The following TPD52 variants were observed in gnomAD, a reference collection of about 807,000 sequenced individuals.
TPD52 encodes prostate and colon associated protein.
A neutral mutation model predicts 31.3 loss-of-function variants in TPD52; 17 were observed. The observed-to-expected ratio is 0.54, with a 90% confidence interval of 0.37 to 0.82. TPD52 has a LOEUF of 0.82. Among genes scored for constraint, TPD52 ranks in the 40% least tolerant of loss-of-function variants. The probability of loss-of-function intolerance (pLI) is 0.00; values close to 1 mark genes in which losing one functional copy is unlikely to be tolerated. For missense variants in TPD52, 212 were observed against 240.1 expected (o/e 0.88, Z 0.77); for synonymous variants, 83 against 89.6 (o/e 0.93, Z 0.42).
At chr8:80,154,744 CACACACACAA>C (rs1290634057) in intron 1 of TPD52, among the ~76,000 whole-genome samples, 14 of 60,680 alleles carry the variant, frequency 2.3e-4, no homozygotes, top group Admixed American at 1.2e-3. Context: ...CACACACACA[CACACACACAA>C]AACACCTACA....
chr8:80,079,667 C>A (rs1815007573), intron 1 of TPD52, among the ~76,000 whole-genome samples: 1 of 152,132 alleles, frequency 6.6e-6, no homozygotes, highest in Non-Finnish European at 1.5e-5. Flanking sequence ...AGGGACCCAG[C>A]CGGGAGGATG....
At chr8:80,071,825 T>A (rs1406626142) in intron 1 of TPD52, among the ~76,000 whole-genome samples, 1 of 152,066 alleles carries the variant, frequency 6.6e-6, no homozygotes, top group East Asian at 1.9e-4. Flanking sequence ...AGAGTGCATA[T>A]CTGACGACGC....
At chr8:80,104,963 G>C (rs781499606) in intron 1 of TPD52, among the ~76,000 whole-genome samples, 18 of 151,954 alleles carry the variant, frequency 1.2e-4, no homozygotes, top group Non-Finnish European at 2.4e-4. Context: ...GGGTGGCTGA[G>C]GTAGGAGAAT....
At chr8:80,118,550 T>C (rs1361414975) in intron 1 of TPD52, among the ~76,000 whole-genome samples, 1 of 152,238 alleles carries the variant, frequency 6.6e-6, no homozygotes. Flanking sequence ...GCATTGTATC[T>C]AGAAAATAAA....
chr8:80,097,278 A>C (rs1806406746), intron 1 of TPD52, among the ~76,000 whole-genome samples: 1 of 152,224 alleles, frequency 6.6e-6, no homozygotes, highest in Non-Finnish European at 1.5e-5. Flanking sequence ...TAAGGAAAGA[A>C]GCCATCTCCA....
intron 1 of TPD52, among the ~76,000 whole-genome samples, chr8:80,139,643 T>G (rs12156127): frequency 6.8e-5 from 10 of 147,356 alleles, no homozygotes; most frequent in East Asian, 2.0e-4. Context: ...GGGGTGGGGG[T>G]GAGGGCGGGG....
intron 1 of TPD52, among the ~76,000 whole-genome samples, chr8:80,116,710 G>T (rs1295201096): frequency 2.0e-5 from 3 of 151,108 alleles, no homozygotes; most frequent in Non-Finnish European, 4.4e-5. Flanking sequence ...CGACAGACTA[G>T]TATTTCTAAT....
intron 1 of TPD52, among the ~76,000 whole-genome samples, chr8:80,112,805 A>AC (rs992554388): frequency 1.8e-4 from 27 of 152,284 alleles, no homozygotes; most frequent in African/African-American, 6.3e-4. Flanking sequence ...TCCCTAATGA[A>AC]CTACAGGTTG....
chr8:80,134,690 G>C (rs938481866), intron 1 of TPD52, among the ~76,000 whole-genome samples: 20 of 152,184 alleles, frequency 1.3e-4, no homozygotes, highest in Non-Finnish European at 1.5e-4. Flanking sequence ...CACACAGTAG[G>C]AACTGAGGCC....
chr8:80,033,322 G>T (rs1189341950), downstream of TPD52: 6 of 142,956 alleles, frequency 4.2e-5, no homozygotes, highest in Non-Finnish European at 3.0e-5. Flanking sequence ...GGGGGTTGGG[G>T]GGGGGACATT....
intron 1 of TPD52, among the ~76,000 whole-genome samples, chr8:80,108,645 G>GA (rs1315180440): frequency 6.6e-6 from 1 of 152,224 alleles, no homozygotes; most frequent in Admixed American, 6.5e-5. Context: ...ATAATGCCAT[G>GA]AAAGTGGGTA....
intron 7 of TPD52, among the ~76,000 whole-genome samples, chr8:80,041,757 AT>A (rs1401982032): frequency 1.3e-5 from 2 of 151,548 alleles, no homozygotes; most frequent in Non-Finnish European, 2.9e-5. Context: ...AATAAAAAAA[AT>A]GTCCAACAAT....
At chr8:80,101,243 T>G (rs1806709799) in intron 1 of TPD52, among the ~76,000 whole-genome samples, 1 of 151,616 alleles carries the variant, frequency 6.6e-6, no homozygotes, top group African/African-American at 2.4e-5. Context: ...AGGTTAGGAG[T>G]TCGAGACCAG....
intron 4 of TPD52, among the ~76,000 whole-genome samples, chr8:80,051,002 G>GAAAAAAAAAAAAAAAAAA (rs201164661): frequency 8.4e-6 from 1 of 119,390 alleles, no homozygotes. Flanking sequence ...TAATCTAAAT[G>GAAAAAAAAAAAAAAAAAA]AAAAAAAAAA....
chr8:80,159,435 C>T (rs908178479), intron 1 of TPD52, among the ~76,000 whole-genome samples: 5 of 152,118 alleles, frequency 3.3e-5, no homozygotes, highest in Non-Finnish European at 7.4e-5. Flanking sequence ...AACACCTTTG[C>T]AAGGAAAAGG....
chr8:80,084,151 C>T (rs1815548961), intron 1 of TPD52, among the ~76,000 whole-genome samples: 1 of 152,174 alleles, frequency 6.6e-6, no homozygotes, highest in African/African-American at 2.4e-5. Flanking sequence ...GGCCCCACAG[C>T]AGTATGGTAG....
intron 3 of TPD52, chr8:80,052,593 C>A (rs1254394473): frequency 1.6e-6 from 2 of 1,284,426 alleles, no homozygotes; most frequent in Non-Finnish European, 2.0e-6. Flanking sequence ...TGTAAAACAA[C>A]TTCTGTGCTC....
chr8:80,126,657 T>C (rs1259288010), intron 1 of TPD52, among the ~76,000 whole-genome samples: 1 of 151,880 alleles, frequency 6.6e-6, no homozygotes, highest in African/African-American at 2.4e-5. Flanking sequence ...AATTTTTGTA[T>C]TTTTTGGTAA....
intron 1 of TPD52, among the ~76,000 whole-genome samples, chr8:80,156,682 G>A (rs1810993928): frequency 6.6e-6 from 1 of 152,156 alleles, no homozygotes; most frequent in South Asian, 2.1e-4. Context: ...GGAGAAATGA[G>A]CATGGAATGT....
Sources: gnomAD v4.1 joint callset for allele counts (sites outside exome capture counted in the v4.1 genomes callset) on GRCh38, gnomAD v4.1.1 for gene constraint, MANE v1.5 for transcripts, NCBI Gene and HGNC (gene_info 2026-07-23, HGNC 2026-07-21) for gene names.